Variants in ACBD6 observed in about 807,000 individuals in gnomAD.
The protein encoded by ACBD6 is acyl-CoA binding domain containing 6, also known as acyl-CoA-binding domain-containing protein 6.
ACBD6 carries 28 observed loss-of-function variants against 37.2 expected under a neutral mutation model. The ratio of observed to expected loss-of-function variants is 0.75; its 90% confidence interval spans 0.56 to 1.03. The LOEUF (loss-of-function observed/expected upper bound fraction) is 1.03, where lower values mean the gene tolerates loss of function less well. Among genes scored for constraint, ACBD6 ranks in the 50% least tolerant of loss-of-function variants. ACBD6 has a pLI of 0.00. For synonymous variants in ACBD6, 113 were observed against 126.8 expected, an observed-to-expected ratio of 0.89 and a Z score of 0.73; for missense variants, 340 against 337.4, an observed-to-expected ratio of 1.01 and a Z score of -0.06.
chr1:180,405,505 A>G (rs1647577242), intron 5 of ACBD6, among the ~76,000 whole-genome samples: 1 of 152,226 alleles, frequency 6.6e-6, no homozygotes, highest in South Asian at 2.1e-4. Context: ...TGGAAAACCA[A>G]TGAACTATGT....
chr1:180,435,598 T>G, intron 3 of ACBD6: 1 of 1,082,506 alleles, frequency 9.2e-7, no homozygotes, highest in Non-Finnish European at 1.4e-6. Flanking sequence ...AGAGCAACTT[T>G]GCAGTTGGCT....
chr1:180,271,380 A>G (rs1447967646), exon 14 of ACBD6: 2 of 1,614,032 alleles, frequency 1.2e-6, no homozygotes, highest in Non-Finnish European at 8.5e-7. Context: ...TTCCTTGCAG[A>G]TGACTCAGAG....
intron 7 of ACBD6, among the ~76,000 whole-genome samples, chr1:180,311,152 T>C (rs962731892): frequency 1.3e-5 from 2 of 152,184 alleles, no homozygotes; most frequent in Non-Finnish European, 2.9e-5. Context: ...CAACCCATTA[T>C]AAAAGATGAG....
chr1:180,271,131 G>C (rs958799271), exon 14 of ACBD6: 1 of 564,508 alleles, frequency 1.8e-6, no homozygotes, highest in Admixed American at 2.9e-5. Flanking sequence ...TGGCAGGGGA[G>C]GGTTGAGGCA....
At chr1:180,377,278 T>TA (rs1370414638) in intron 6 of ACBD6, among the ~76,000 whole-genome samples, 3 of 152,194 alleles carry the variant, frequency 2.0e-5, no homozygotes, top group Non-Finnish European at 2.9e-5. Flanking sequence ...GATACAGAAA[T>TA]AGAGTATGTG....
At chr1:180,456,351 C>T (rs1649924532) in intron 3 of ACBD6, among the ~76,000 whole-genome samples, 1 of 152,058 alleles carries the variant, frequency 6.6e-6, no homozygotes, top group African/African-American at 2.4e-5. Flanking sequence ...ACAAGTGTCC[C>T]CAGGGAAAGA....
intron 6 of ACBD6, among the ~76,000 whole-genome samples, chr1:180,379,765 A>C (rs1374639557): frequency 1.3e-5 from 2 of 152,224 alleles, no homozygotes; most frequent in Non-Finnish European, 2.9e-5. Flanking sequence ...CATATGGGCC[A>C]CCATAAAATG....
chr1:180,419,498 A>T (rs1426817602), intron 4 of ACBD6, among the ~76,000 whole-genome samples: 1 of 152,180 alleles, frequency 6.6e-6, no homozygotes, highest in Non-Finnish European at 1.5e-5. Context: ...CCAATGGACT[A>T]GTGAAATGAC....
chr1:180,344,859 A>T (rs190569473), intron 6 of ACBD6, among the ~76,000 whole-genome samples: 1 of 152,278 alleles, frequency 6.6e-6, no homozygotes, highest in Non-Finnish European at 1.5e-5. Context: ...TGCAGTTAAA[A>T]TTTTTTATTT....
intron 3 of ACBD6, among the ~76,000 whole-genome samples, chr1:180,460,036 T>G (rs561147165): frequency 1.3e-5 from 2 of 151,652 alleles, no homozygotes; most frequent in African/African-American, 4.8e-5. Flanking sequence ...AACGTGCAGC[T>G]TTGTTACATA....
intron 6 of ACBD6, among the ~76,000 whole-genome samples, chr1:180,333,951 G>A (rs900479424): frequency 3.9e-5 from 6 of 152,224 alleles, no homozygotes; most frequent in Admixed American, 2.0e-4. Context: ...ACTGCAAGGC[G>A]GCAGTGAGGC....
At chr1:180,274,739 C>A in exon 10 of ACBD6, 1 of 809,984 alleles carries the variant, frequency 1.2e-6, no homozygotes, top group Non-Finnish European at 1.9e-6. Context: ...TGAGACCACA[C>A]TAGGGCATTG....
At chr1:180,293,428 C>A (rs1649794059) in intron 7 of ACBD6, among the ~76,000 whole-genome samples, 1 of 152,040 alleles carries the variant, frequency 6.6e-6, no homozygotes, top group East Asian at 1.9e-4. Flanking sequence ...CTACCTCAGC[C>A]TCCTGAGTAG....
At chr1:180,449,036 C>T (rs1278747282) in intron 3 of ACBD6, among the ~76,000 whole-genome samples, 1 of 152,154 alleles carries the variant, frequency 6.6e-6, no homozygotes, top group Non-Finnish European at 1.5e-5. Flanking sequence ...TAATGTAACA[C>T]ATGAATAGGA....
At position 180,501,469 on chromosome 1, in the gene ACBD6, A is replaced by C. The variant is rs138820682; in HGVS notation, c.222+576T>G. 6.4e-3 allele frequency among the ~76,000 whole-genome samples: 979 copies of C among 152,262 alleles called. 15 individuals are homozygous for C. Among genetic ancestry groups the C allele is most frequent in the African/African-American group, 0.022 (918 of 41,540 alleles). ...CAGCCTCCCGAGTAGCTGGGATTAC[A>C]GGCATGCGCCACCACGCTCGGCTAA... On this transcript the variant is annotated intron_variant, in intron 1 of 7. Coordinates refer to ENST00000367595, the MANE Select transcript of ACBD6 (RefSeq NM_032360.4).
chr1:180,442,998 CT>C (rs998263397), intron 3 of ACBD6, among the ~76,000 whole-genome samples: 17 of 108,088 alleles, frequency 1.6e-4, no homozygotes, highest in African/African-American at 3.8e-4. Context: ...CCTGCCCCCA[CT>C]TTTTTTTTTC....
At chr1:180,486,669 A>G (rs1031368254) in intron 3 of ACBD6, among the ~76,000 whole-genome samples, 3 of 152,370 alleles carry the variant, frequency 2.0e-5, no homozygotes, top group African/African-American at 7.2e-5. Context: ...CTGACTAGGA[A>G]AAGGATATTT....
intron 1 of ACBD6, among the ~76,000 whole-genome samples, chr1:180,497,409 T>C (rs1339441602): frequency 2.0e-5 from 3 of 152,202 alleles, no homozygotes; most frequent in South Asian, 2.1e-4. Flanking sequence ...AGGATATACA[T>C]GTGGTGATGG....
chr1:180,376,865 T>C (rs956293479), intron 6 of ACBD6, among the ~76,000 whole-genome samples: 1 of 152,142 alleles, frequency 6.6e-6, no homozygotes, highest in African/African-American at 2.4e-5. Context: ...AAGCCAACCA[T>C]GTATTTGAAG....
Sources: gnomAD v4.1 joint callset for allele counts (sites outside exome capture counted in the v4.1 genomes callset) on GRCh38, gnomAD v4.1.1 for gene constraint, MANE v1.5 for transcripts, NCBI Gene and HGNC (gene_info 2026-07-23, HGNC 2026-07-21) for gene names.